Variants in CLN6 observed in about 807,000 individuals in gnomAD.
CLN6 encodes CLN6 transmembrane ER protein, also known as ceroid-lipofuscinosis neuronal protein 6.
In CLN6, 22 loss-of-function variants were observed where a neutral mutation model predicts 33.3. The ratio of observed to expected loss-of-function variants is 0.66; its 90% CI spans 0.47 to 0.94. The LOEUF is 0.94. CLN6 is among the 40% of genes least tolerant of loss of function. The pLI is 0.00. For missense variants in CLN6, 387 were observed against 417.1 expected (o/e 0.93, Z 0.63); for synonymous variants, 201 against 174.6 (o/e 1.15, Z -1.19).
chr15:68,218,754 G>A (rs2093227571), intron 1 of CLN6, 104 bp from the exon 2 acceptor site: 6 of 794,790 alleles, frequency 7.5e-6, no homozygotes, highest in Non-Finnish European at 1.3e-5. Flanking sequence ...AGGACAGGAG[G>A]AGACACACAT....
rs1029633299 is a variant in CLN6, at chr15:68,227,583, C to A, written c.83+1919G>T. Among the ~76,000 whole-genome samples the A allele has an allele frequency of 6.6e-6, 1 of 152,158 alleles. No individual in the cohort carries two copies. Among genetic ancestry groups the A allele is most frequent in the Non-Finnish European group, 1.5e-5 (1 of 68,014 alleles). ...AGAGAGCTCCCACCCTCACACCACC[C>A]CCCTGGGAATACCCTGGCTGGTGGG... is the stretch of plus-strand genomic sequence containing the variant. On this transcript the variant is annotated intron_variant, in intron 1 of 6. Transcript: ENST00000249806. This position sits in a 1 kb window ranked among gnomAD's most constrained non-coding sequence, Gnocchi z 4.1.
chr15:68,222,934 C>T (rs1008557928), intron 1 of CLN6, among the ~76,000 whole-genome samples: 4 of 152,036 alleles, frequency 2.6e-5, no homozygotes, highest in East Asian at 1.9e-4. Flanking sequence ...GCAGCATGCT[C>T]GTTAAGAGTC....
rs104894483 is a variant in CLN6, at chr15:68,214,373, C to G, written c.214G>C (p.Glu72Gln). The change falls in exon 3 of 7, where the codon GAG becomes CAG. Residue 72 changes from glutamate (E) to glutamine (Q), a missense_variant. By Grantham distance (29) the Glu-to-Gln change is conservative. Coordinates refer to ENST00000249806, the MANE Select transcript of CLN6 (RefSeq NM_017882.3). ...RPIAMLVFPL[E>Q]WFPLNKPSVG... ...CTGGGCTTGTTGAGTGGAAACCACT[C>G]GAGAGGGAATACCAGCTGCGGAGCA... 2,051 of 1,613,736 alleles carry G rather than the reference C, an allele frequency of 1.3e-3. 32 individuals are homozygous for G. In the South Asian group the frequency reaches 0.016, roughly 13 times the overall value.
intron 1 of CLN6, among the ~76,000 whole-genome samples, chr15:68,222,831 A>G (rs1303458454): frequency 2.6e-5 from 4 of 152,108 alleles, no homozygotes; most frequent in African/African-American, 9.7e-5. Flanking sequence ...CTTACCCCCA[A>G]CCCCGTGCTC....
chr15:68,214,419 TG>T, intron 2 of CLN6, 31 bp from the exon 3 acceptor site: 1 of 1,561,878 alleles, frequency 6.4e-7, no homozygotes, highest in Non-Finnish European at 8.8e-7. Flanking sequence ...TGGGCTCACC[TG>T]GGCACAGCCC....
intron 2 of CLN6, chr15:68,215,453 GA>G (rs1401987306): frequency 6.6e-6 from 1 of 152,182 alleles, no homozygotes; most frequent in Admixed American, 6.5e-5. Context: ...GCCATTAACA[GA>G]AATGACACCT....
intron 2 of CLN6, chr15:68,214,732 T>C (rs2093215961): frequency 5.8e-6 from 2 of 345,294 alleles, no homozygotes; most frequent in Admixed American, 3.9e-5. Flanking sequence ...AGGGACTCCG[T>C]TGTGGCACCA....
At chr15:68,238,266 T>C (rs1276216536) in intron 1 of CLN6, among the ~76,000 whole-genome samples, 3 of 151,564 alleles carry the variant, frequency 2.0e-5, no homozygotes, top group Non-Finnish European at 4.4e-5. Context: ...TAGCTGGGTG[T>C]GGTGGCACGT....
At chr15:68,239,611 A>G (rs538984258) in intron 1 of CLN6, among the ~76,000 whole-genome samples, 6 of 152,172 alleles carry the variant, frequency 3.9e-5, no homozygotes, top group Non-Finnish European at 7.4e-5. Context: ...CCAAATATAT[A>G]AAATAAAAAT....
chr15:68,225,042 T>A (rs2093248122), intron 1 of CLN6, among the ~76,000 whole-genome samples: 1 of 152,104 alleles, frequency 6.6e-6, no homozygotes, highest in Non-Finnish European at 1.5e-5. Flanking sequence ...GGTTTCATCC[T>A]GAACAAGTCA....
intron 2 of CLN6, chr15:68,214,714 G>A (rs1413482907): frequency 8.4e-6 from 3 of 355,720 alleles, no homozygotes; most frequent in Non-Finnish European, 1.6e-5. Flanking sequence ...GGAGTTGGTA[G>A]GCTTCTCAGG....
intron 1 of CLN6, among the ~76,000 whole-genome samples, chr15:68,248,864 C>A (rs1892351277): frequency 6.6e-6 from 1 of 152,074 alleles, no homozygotes; most frequent in South Asian, 2.1e-4. Context: ...GAGGAGATAG[C>A]CCAAAGAATA....
rs1479439998 is a variant in CLN6 at position 68,239,303 on chromosome 15, T to C, written c.179+17387A>G. Among the ~76,000 whole-genome samples the C allele has an allele frequency of 4.0e-5, 6 of 151,762 alleles. No individual in the cohort carries two copies. In the East Asian group the frequency reaches 1.2e-3, roughly 29 times the overall value. ...AACAATAAACTAAAAGACACATTCT[T>C]AGACCTAAATTAAAAAAAAAATAGA... On this transcript the variant is annotated intron_variant, in intron 1 of 6. Transcript: ENST00000538696.
chr15:68,218,409 C>G, intron 2 of CLN6, 127 bp downstream of exon 2: 1 of 755,772 alleles, frequency 1.3e-6, no homozygotes, highest in South Asian at 1.4e-5. Flanking sequence ...TGAAGGCATC[C>G]AGGCCTATTC....
rs1892440080 is a variant in CLN6, at chr15:68,256,647, C to CG, written c.179+42dup. 2 of 600,594 alleles carry CG rather than the reference C, an allele frequency of 3.3e-6. No homozygotes were observed. Among genetic ancestry groups the CG allele is most frequent in the South Asian group, 3.9e-5 (2 of 50,984 alleles). 37.2% of individuals were successfully genotyped at this position (600,594 alleles called of 1,614,324 possible). A position where few individuals can be genotyped will look rare whatever the true frequency, so the allele number is the denominator to read the frequency against. Reference sequence around the variant, plus strand: ...CAGGGCCCCACGTTCAGAAGGGCTTCGCCCTTGGTTTAATGCGCTGCTCTC... The same window carrying CG: ...CAGGGCCCCACGTTCAGAAGGGCTTCGGCCCTTGGTTTAATGCGCTGCTCTC... On this transcript the variant is annotated intron_variant, in intron 1 of 6. Transcript: ENST00000538696. The surrounding 1 kb of genome is among the most constrained non-coding windows in gnomAD (Gnocchi z 4.1).
rs778471506 is a variant in CLN6, at chr15:68,218,659, G to A, written c.84-9C>T. 4.4e-6 allele frequency: 7 copies of A among 1,607,058 alleles called. No individual in the cohort carries two copies. Among genetic ancestry groups the A allele is most frequent in the Non-Finnish European group, 6.0e-6 (7 of 1,174,186 alleles). ...CGCTCACAGAGCCATGCCTGGGAAG[G>A]AACCAGACGAGAGAAGTCAGCTCTT... On this transcript the variant is annotated splice_polypyrimidine_tract_variant and intron_variant, in intron 1 of 6. Coordinates refer to ENST00000249806, the MANE Select transcript of CLN6 (RefSeq NM_017882.3).
intron 1 of CLN6, among the ~76,000 whole-genome samples, chr15:68,255,135 G>A (rs1892420613): frequency 6.6e-6 from 1 of 152,188 alleles, no homozygotes; most frequent in Non-Finnish European, 1.5e-5. Context: ...CTAGTTTTGG[G>A]AGACTTGCCC....
In CLN6 at chr15:68,256,584, A is replaced by T; in HGVS notation, c.179+106T>A. 1.8e-6 allele frequency: 1 copy of T among 554,388 alleles called. No individual in the cohort carries two copies. Among genetic ancestry groups the T allele is most frequent in the South Asian group, 2.6e-5 (1 of 38,838 alleles). 34.3% of individuals were successfully genotyped at this position (554,388 alleles called of 1,614,324 possible). ...AATACTCTCTTTGGGATCCCCACACACGTGGCTGGCTTCAGGGGTGTGGGC... is the reference window on the plus strand; with the variant it reads ...AATACTCTCTTTGGGATCCCCACACTCGTGGCTGGCTTCAGGGGTGTGGGC... On this transcript the variant is annotated intron_variant, in intron 1 of 6. Coordinates refer to the CLN6 transcript ENST00000538696. This position sits in a 1 kb window ranked among gnomAD's most constrained non-coding sequence, Gnocchi z 4.1.
Position 68,256,723 on chromosome 15 carries a change from G to A in CLN6, c.146C>T (p.Thr49Ile), listed in dbSNP as rs1412134855. ...TTTGAATTTGAGTTTTCTCAGCGAA[G>A]TCTCACAGGACAATGGCGCCTGCGC... The change falls in exon 1 of 7, where the codon ACT (threonine) becomes ATT (isoleucine). Residue 49 changes from threonine (T) to isoleucine (I), a missense_variant. Physicochemically the swap from Thr to Ile is moderately conservative, Grantham distance 89 (BLOSUM62 -1). Transcript: ENST00000538696. The surrounding 1 kb of genome is among the most constrained non-coding windows in gnomAD (Gnocchi z 4.1). The A allele has an allele frequency of 1.5e-6, 1 of 683,200 alleles. No homozygotes were observed. Among genetic ancestry groups the A allele is most frequent in the Admixed American group, 2.3e-5 (1 of 44,184 alleles). The allele number at this position is 683,200 out of a possible 1,614,324, so 42.3% of individuals were successfully genotyped here.
Sources: allele counts gnomAD v4.1 joint callset (sites outside exome capture counted in the v4.1 genomes callset), GRCh38; gene constraint gnomAD v4.1.1; non-coding constraint Gnocchi (gnomAD v3.1); transcripts MANE v1.5; gene names NCBI Gene and HGNC (gene_info 2026-07-23, HGNC 2026-07-21).